Variants in NINJ1 observed in about 807,000 individuals in gnomAD.
NINJ1 encodes the protein ninjurin 1, also known as ninjurin-1.
A neutral mutation model predicts 12.7 loss-of-function variants in NINJ1; 6 were observed. The observed-to-expected ratio is 0.47, with a 90% confidence interval of 0.26 to 0.93. NINJ1 has a LOEUF of 0.93. Among genes scored for constraint, NINJ1 ranks in the 40% least tolerant of loss-of-function variants. The probability of loss-of-function intolerance (pLI) is 0.15; values close to 1 mark genes in which losing one functional copy is unlikely to be tolerated. For missense variants in NINJ1, 170 were observed against 213.0 expected (o/e 0.80, Z 1.26); for synonymous variants, 100 against 96.0 (o/e 1.04, Z -0.25).
Position 93,131,029 on chromosome 9 carries a change from G to A in NINJ1, c.75+3114C>T, listed in dbSNP as rs375731387. On this transcript the variant is annotated intron_variant, in intron 1 of 3. Transcript: ENST00000375446. The stretch of plus-strand genomic sequence containing the variant: ...GCACCCCTCTTCTACCCCACCATAT[G>A]CTAGGACCTGCCTGGGGCTTCCGGC... Among the ~76,000 whole-genome samples, 8 of 152,210 alleles carry A rather than the reference G, an allele frequency of 5.3e-5. No individual in the cohort carries two copies. In the East Asian group the frequency reaches 1.5e-3, roughly 29 times the overall value.
chr9:93,133,203 C>T (rs1057397085), intron 1 of NINJ1, among the ~76,000 whole-genome samples: 1 of 152,170 alleles, frequency 6.6e-6, no homozygotes, highest in Admixed American at 6.5e-5. Context: ...CTCATGGGGC[C>T]CCGCCTCCCC....
chr9:93,128,817 A>C (rs1827848982), intron 1 of NINJ1, among the ~76,000 whole-genome samples: 1 of 152,166 alleles, frequency 6.6e-6, no homozygotes. Flanking sequence ...GCACAGAAAC[A>C]CACATCCCCC....
intron 1 of NINJ1, among the ~76,000 whole-genome samples, chr9:93,126,890 T>G (rs922877487): frequency 6.6e-6 from 1 of 152,172 alleles, no homozygotes; most frequent in Non-Finnish European, 1.5e-5. Context: ...GCACACGCAC[T>G]CTGATTTTCC....
intron 3 of NINJ1, among the ~76,000 whole-genome samples, chr9:93,124,291 T>A (rs1219769673): frequency 6.6e-6 from 1 of 152,164 alleles, no homozygotes; most frequent in African/African-American, 2.4e-5. Context: ...TGGGTGTTTT[T>A]TGAGACAGAG....
intron 1 of NINJ1, 34 bp downstream of exon 1, chr9:93,134,109 G>T: frequency 6.6e-7 from 1 of 1,505,966 alleles, no homozygotes; most frequent in Non-Finnish European, 9.0e-7. Context: ...ACAGGGCCTG[G>T]CAAGATCATG....
At chr9:93,123,653 C>T (rs551232561) in intron 3 of NINJ1, among the ~76,000 whole-genome samples, 17 of 152,356 alleles carry the variant, frequency 1.1e-4, no homozygotes, top group African/African-American at 3.8e-4. Context: ...GTCTACTCTG[C>T]CATGGGCCAC....
At chr9:93,128,928 A>G (rs1394110775) in intron 1 of NINJ1, among the ~76,000 whole-genome samples, 1 of 152,260 alleles carries the variant, frequency 6.6e-6, no homozygotes, top group African/African-American at 2.4e-5. Flanking sequence ...AAACAGACAC[A>G]CAAGCCCAGG....
intron 2 of NINJ1, chr9:93,125,296 G>A: frequency 5.0e-6 from 2 of 396,264 alleles, no homozygotes; most frequent in South Asian, 9.5e-5. Context: ...CCCACCTTCT[G>A]TAGCCCCCAT....
At chr9:93,125,086 G>A (rs773008225) in intron 2 of NINJ1, 24 bp from the exon 3 acceptor site, 11 of 1,597,368 alleles carry the variant, frequency 6.9e-6, no homozygotes, top group Non-Finnish European at 9.4e-6. Context: ...AGGAGTGGAT[G>A]GTGCCAAGGG....
intron 1 of NINJ1, among the ~76,000 whole-genome samples, chr9:93,128,782 T>C (rs1449947860): frequency 1.3e-5 from 2 of 152,278 alleles, no homozygotes; most frequent in East Asian, 3.9e-4. Context: ...TCTACACATA[T>C]ATGTGCGTGT....
chr9:93,132,605 A>G (rs1827911570), intron 1 of NINJ1, among the ~76,000 whole-genome samples: 2 of 152,178 alleles, frequency 1.3e-5, no homozygotes, highest in South Asian at 4.1e-4. Context: ...CCCAGCCCCC[A>G]GGGAACCCCC....
chr9:93,130,280 T>C (rs907298520), intron 1 of NINJ1, among the ~76,000 whole-genome samples: 1 of 152,134 alleles, frequency 6.6e-6, no homozygotes, highest in Non-Finnish European at 1.5e-5. Flanking sequence ...GCTGCACATG[T>C]TGGGGCTGGG....
chr9:93,128,498 C>T (rs964109096), intron 1 of NINJ1, among the ~76,000 whole-genome samples: 5 of 152,246 alleles, frequency 3.3e-5, no homozygotes, highest in African/African-American at 1.2e-4. Flanking sequence ...AGCCCGGACA[C>T]AAGGGCCTGT....
At chr9:93,132,200 A>G (rs1488877191) in intron 1 of NINJ1, among the ~76,000 whole-genome samples, 2 of 152,232 alleles carry the variant, frequency 1.3e-5, no homozygotes, top group Non-Finnish European at 2.9e-5. Context: ...GGTTGGGAAG[A>G]GGAACAGGTG....
intron 3 of NINJ1, among the ~76,000 whole-genome samples, chr9:93,122,631 A>AAT (rs1223436347): frequency 3.9e-5 from 6 of 152,184 alleles, no homozygotes. Context: ...AAATGGAATG[A>AAT]ATATAGCATG....
intron 1 of NINJ1, 100 bp downstream of exon 1, chr9:93,134,043 C>G: frequency 1.1e-6 from 1 of 909,356 alleles, no homozygotes; most frequent in Non-Finnish European, 1.6e-6. Flanking sequence ...CCCCAACACT[C>G]TGCAGTGCGG....
Position 93,126,420 on chromosome 9 carries a change from G to T in NINJ1, c.294C>A (p.Leu98=), listed in dbSNP as rs140825165. The T allele has an allele frequency of 2.5e-6, 4 of 1,612,858 alleles. No individual in the cohort carries two copies. The highest frequency in any genetic ancestry group is 3.4e-6 in the Non-Finnish European group (4 of 1,179,284). The change falls in exon 2 of 4, where the codon CTC becomes CTA. Residue 98 remains leucine, a synonymous_variant. Coordinates refer to ENST00000375446, the MANE Select transcript of NINJ1 (RefSeq NM_004148.4). ...CACCTGGGGACCTACCAAGGAAGAT[G>T]AGCAGCACCCCCACGCCGATCTGCA... ...LVLQIGVGVL[L]IFLVKYDLNN... is the part of the protein sequence containing the mutation.
chr9:93,133,239 G>A (rs948691368), intron 1 of NINJ1, among the ~76,000 whole-genome samples: 2 of 152,182 alleles, frequency 1.3e-5, no homozygotes, highest in Admixed American at 1.3e-4. Context: ...CCACAGCACC[G>A]GCCTAGGACT....
chr9:93,126,546 C>G lies in NINJ1; in HGVS notation c.168G>C (p.Leu56=). 6.2e-7 allele frequency: 1 copy of G among 1,614,152 alleles called. No homozygotes were observed. The highest frequency in any genetic ancestry group is 8.5e-7 in the Non-Finnish European group (1 of 1,180,010). The change falls in exon 2 of 4, where the codon CTG becomes CTC. Residue 56 remains leucine (L), a synonymous_variant. Transcript: ENST00000375446. ...TCAGCTGGGACGCGTTGGCCATCAG[C>G]AGCGCGATGTCCAGCATGCTCTCGG... ...SAAESMLDIA[L]LMANASQLKA... is the part of the protein sequence containing the mutation.
Sources: gnomAD v4.1 joint callset for allele counts (sites outside exome capture counted in the v4.1 genomes callset) on GRCh38, gnomAD v4.1.1 for gene constraint, MANE v1.5 for transcripts, NCBI Gene and HGNC (gene_info 2026-07-23, HGNC 2026-07-21) for gene names.